Variants in GPHN observed in about 807,000 individuals in gnomAD.
The protein encoded by GPHN is gephyrin.
In GPHN, 17 loss-of-function variants were observed where a neutral mutation model predicts 95.5. The observed-to-expected ratio is 0.18, with a 90% CI of 0.12 to 0.27. GPHN has a LOEUF of 0.27. Among genes scored for constraint, GPHN ranks in the 10% least tolerant of loss-of-function variants. The pLI, the probability that GPHN is intolerant of heterozygous loss-of-function variation, is 1.00. For missense variants in GPHN, 660 were observed against 978.1 expected (o/e 0.67, Z 4.34); for synonymous variants, 320 against 322.5 (o/e 0.99, Z 0.08).
At chr14:67,481,618 C>T in the GPHN span, among the ~76,000 whole-genome samples, 2 of 152,170 alleles carry the variant, frequency 1.3e-5, no homozygotes, top group Non-Finnish European at 2.9e-5. Context: ...GACTTGGATG[C>T]GTTTTCAGAA....
In GPHN at chr14:66,707,147, A is replaced by G. The variant is rs568483340; in HGVS notation, c.143+25962A>G. Among the ~76,000 whole-genome samples the G allele has an allele frequency of 6.6e-5, 10 of 152,230 alleles. No individual in the cohort carries two copies. The South Asian group carries it at 2.1e-3, about 32-fold the overall frequency. ...CACGCCAGTCAGAATGGCGATTATTAAAAAGTCAATAAACAATAGATGCTG... is the reference window on the plus strand; with the variant it reads ...CACGCCAGTCAGAATGGCGATTATTGAAAAGTCAATAAACAATAGATGCTG... On this transcript the variant is annotated intron_variant, in intron 2 of 22. Coordinates refer to ENST00000478722, the MANE Select transcript of GPHN (RefSeq NM_020806.5).
chr14:67,145,667 A>G (rs1011744240), intron 18 of GPHN, among the ~76,000 whole-genome samples: 3 of 152,216 alleles, frequency 2.0e-5, no homozygotes, highest in Non-Finnish European at 4.4e-5. Flanking sequence ...TTTTAATTCC[A>G]AAAAGAATTT....
At chr14:67,422,548 C>T in the GPHN span, among the ~76,000 whole-genome samples, 2 of 152,244 alleles carry the variant, frequency 1.3e-5, no homozygotes, top group Admixed American at 1.3e-4. Flanking sequence ...GGAGGCCTGT[C>T]CACCACAGAT....
chr14:67,272,198 G>A, the GPHN span: 1 of 151,944 alleles, frequency 6.6e-6, no homozygotes, highest in African/African-American at 2.4e-5. Context: ...TTAAGGATTT[G>A]TATTTAAGAC....
chr14:67,439,590 T>C, the GPHN span, among the ~76,000 whole-genome samples: 5 of 120,622 alleles, frequency 4.1e-5, no homozygotes, highest in South Asian at 5.6e-4. Flanking sequence ...TCTTTCTTTC[T>C]TTCTTCTTTC....
intron 1 of GPHN, among the ~76,000 whole-genome samples, chr14:66,577,582 T>C (rs1411907821): frequency 6.6e-6 from 1 of 152,174 alleles, no homozygotes; most frequent in Non-Finnish European, 1.5e-5. Flanking sequence ...GTCTCAGTGA[T>C]ATCTGTACAC....
At chr14:66,584,349 T>C (rs2061333475) in intron 1 of GPHN, among the ~76,000 whole-genome samples, 1 of 152,120 alleles carries the variant, frequency 6.6e-6, no homozygotes, top group Non-Finnish European at 1.5e-5. Context: ...ACAATTTGAC[T>C]TCCTCTTTTC....
the GPHN span, among the ~76,000 whole-genome samples, chr14:67,258,984 A>C: frequency 6.6e-6 from 1 of 151,918 alleles, no homozygotes; most frequent in Non-Finnish European, 1.5e-5. Context: ...CTGGGACTAC[A>C]GGCGCGTGCC....
intron 1 of GPHN, among the ~76,000 whole-genome samples, chr14:66,511,162 A>G (rs867303787): frequency 2.0e-5 from 3 of 152,164 alleles, no homozygotes; most frequent in African/African-American, 7.2e-5. Flanking sequence ...TCAACAGCTT[A>G]ATTTCTGTGG....
chr14:66,976,221 G>A lies in GPHN; in HGVS notation c.963+10896G>A, dbSNP rs969622610. ...GTTAAATGAAATATTGATTTCTCTCGATATCCACTCTAGTTTTGTTCAAGT... is the reference window on the plus strand; with the variant it reads ...GTTAAATGAAATATTGATTTCTCTCAATATCCACTCTAGTTTTGTTCAAGT... On this transcript the variant is annotated intron_variant, in intron 9 of 22. Transcript: ENST00000478722. Among the ~76,000 whole-genome samples the A allele has an allele frequency of 3.9e-5, 6 of 152,148 alleles. No individual in the cohort carries two copies. In the South Asian group the frequency reaches 6.2e-4, roughly 16 times the overall value.
chr14:67,060,319 A>T (rs928890374), intron 11 of GPHN, among the ~76,000 whole-genome samples: 1 of 152,132 alleles, frequency 6.6e-6, no homozygotes, highest in Non-Finnish European at 1.5e-5. Flanking sequence ...TTGTTCATCA[A>T]ATCAGTTGTC....
intron 1 of GPHN, among the ~76,000 whole-genome samples, chr14:66,595,527 G>A (rs918977173): frequency 6.6e-6 from 1 of 152,176 alleles, no homozygotes; most frequent in Non-Finnish European, 1.5e-5. Context: ...GGTGAGGGGT[G>A]TGTGAGTTAG....
the GPHN span, among the ~76,000 whole-genome samples, chr14:67,346,076 T>C: frequency 5.3e-5 from 8 of 152,222 alleles, no homozygotes; most frequent in Non-Finnish European, 1.2e-4. Flanking sequence ...AAGAATACTA[T>C]TCTAAATATA....
chr14:66,569,958 C>G (rs2060614965), intron 1 of GPHN, among the ~76,000 whole-genome samples: 2 of 152,124 alleles, frequency 1.3e-5, no homozygotes, highest in Admixed American at 6.6e-5. Context: ...TCCTCCATCC[C>G]TAGCCCCTGA....
chr14:66,779,841 G>A (rs1443051137), intron 3 of GPHN, among the ~76,000 whole-genome samples: 1 of 152,030 alleles, frequency 6.6e-6, no homozygotes, highest in Non-Finnish European at 1.5e-5. Flanking sequence ...AAGGAAGAAA[G>A]TAACATAATC....
rs982012601 is a variant in GPHN, at chr14:67,059,017, A to AAG, written c.1144+232_1144+233insGA. 20 of 519,058 alleles carry AAG rather than the reference A, an allele frequency of 3.9e-5. 1 individual carries two copies. The highest frequency in any genetic ancestry group is 2.7e-4 in the African/African-American group (14 of 51,386). The allele number at this position is 519,058 out of a possible 1,614,324, so 32.2% of individuals were successfully genotyped here. On this transcript the variant is annotated intron_variant, in intron 11 of 22. Coordinates refer to ENST00000478722, the MANE Select transcript of GPHN (RefSeq NM_020806.5). Reference sequence around the variant, plus strand: ...ACTGCCTTTTCATTAAAAAAAGGAAAAAAAAAAAAAAAGGAAGAAAATCAG... The same window carrying AAG: ...ACTGCCTTTTCATTAAAAAAAGGAAAAGAAAAAAAAAAAAGGAAGAAAATCAG...
chr14:67,214,403 C>A, the GPHN span, among the ~76,000 whole-genome samples: 2 of 152,152 alleles, frequency 1.3e-5, no homozygotes, highest in Non-Finnish European at 2.9e-5. Context: ...GTTTTCCCAG[C>A]ACCGTTTATT....
intron 9 of GPHN, among the ~76,000 whole-genome samples, chr14:66,997,960 T>C (rs931451806): frequency 6.6e-6 from 1 of 152,196 alleles, no homozygotes; most frequent in African/African-American, 2.4e-5. Context: ...GTAAAAAATA[T>C]ATAACCCATT....
At chr14:67,622,108 C>T in the GPHN span, among the ~76,000 whole-genome samples, 1 of 152,054 alleles carries the variant, frequency 6.6e-6, no homozygotes, top group Admixed American at 6.6e-5. Context: ...AAATAAATAC[C>T]TTTATGGCAG....
Sources: allele counts gnomAD v4.1 joint callset (sites outside exome capture counted in the v4.1 genomes callset), GRCh38; gene constraint gnomAD v4.1.1; transcripts MANE v1.5; gene names NCBI Gene and HGNC (gene_info 2026-07-23, HGNC 2026-07-21).